Variants in WDFY3 observed in about 807,000 individuals in gnomAD.
WDFY3 encodes WD repeat and FYVE domain containing 3.
In WDFY3, 66 loss-of-function variants were observed where a neutral mutation model predicts 409.6. The observed-to-expected ratio is 0.16, with a 90% CI of 0.13 to 0.20. The LOEUF is 0.20. Ranked by LOEUF, WDFY3 falls within the 10% of genes least tolerant of loss-of-function variation. The probability of loss-of-function intolerance (pLI) is 1.00; values close to 1 mark genes in which losing one functional copy is unlikely to be tolerated. For missense variants in WDFY3, 3,031 were observed against 4,298.1 expected, an observed-to-expected ratio of 0.71 and a Z score of 8.24; for synonymous variants, 1,521 against 1,537.1, an observed-to-expected ratio of 0.99 and a Z score of 0.25.
chr4:84,779,048 ATAAAG>A (rs1271388454), intron 26 of WDFY3, among the ~76,000 whole-genome samples: 1 of 152,136 alleles, frequency 6.6e-6, no homozygotes. Context: ...TTTTTGTGTT[ATAAAG>A]TATTTTTTTT....
At chr4:84,872,653 G>T (rs1762278828) in intron 3 of WDFY3, among the ~76,000 whole-genome samples, 1 of 151,976 alleles carries the variant, frequency 6.6e-6, no homozygotes. Flanking sequence ...AATGTGAGTG[G>T]TCTAAATACA....
intron 3 of WDFY3, among the ~76,000 whole-genome samples, chr4:84,862,537 T>G (rs1760786038): frequency 6.6e-6 from 1 of 152,188 alleles, no homozygotes; most frequent in East Asian, 1.9e-4. Context: ...AGAACAAAAC[T>G]TAAATTTGAA....
chr4:84,850,596 C>T (rs889089019), intron 4 of WDFY3, among the ~76,000 whole-genome samples: 2 of 151,946 alleles, frequency 1.3e-5, no homozygotes, highest in Non-Finnish European at 2.9e-5. Context: ...GGATTACAGG[C>T]GTGAGCCACC....
chr4:84,753,948 A>G (rs1740974545), intron 34 of WDFY3, 72 bp from the exon 35 acceptor site: 3 of 1,401,904 alleles, frequency 2.1e-6, no homozygotes, highest in Non-Finnish European at 2.8e-6. Context: ...TTAAAAATCC[A>G]TTACTCAGTA....
At chr4:84,702,208 C>T (rs535979168) in intron 56 of WDFY3, 145 bp downstream of exon 56, 3 of 898,924 alleles carry the variant, frequency 3.3e-6, no homozygotes, top group Middle Eastern at 2.6e-4. Flanking sequence ...TGTAACCACA[C>T]CCAATTACAG....
intron 1 of WDFY3, among the ~76,000 whole-genome samples, chr4:84,941,722 C>T (rs1284031434): frequency 1.3e-5 from 2 of 151,842 alleles, no homozygotes; most frequent in Non-Finnish European, 2.9e-5. Flanking sequence ...ATAGTCAAAA[C>T]GATTTGGAAA....
intron 44 of WDFY3, among the ~76,000 whole-genome samples, chr4:84,731,002 G>A (rs574517021): frequency 6.6e-6 from 1 of 152,158 alleles, no homozygotes; most frequent in South Asian, 2.1e-4. Flanking sequence ...TCTCCATGTT[G>A]GTCAGGATGG....
At chr4:84,851,644 C>A (rs148592123) in intron 4 of WDFY3, among the ~76,000 whole-genome samples, 59 of 152,234 alleles carry the variant, frequency 3.9e-4, no homozygotes, top group African/African-American at 1.3e-3. Flanking sequence ...GTATTGGTTA[C>A]AAATTTTGGC....
intron 58 of WDFY3, 111 bp downstream of exon 58, chr4:84,695,858 TG>T: frequency 1.0e-6 from 1 of 1,000,766 alleles, no homozygotes; most frequent in Non-Finnish European, 1.5e-6. Flanking sequence ...GTGATATTTA[TG>T]GCTCTTTATT....
intron 2 of WDFY3, among the ~76,000 whole-genome samples, chr4:84,922,607 CAT>C (rs1491389712): frequency 9.9e-5 from 15 of 151,696 alleles, no homozygotes; most frequent in Admixed American, 4.6e-4. Context: ...TACAGGAAGA[CAT>C]TTTTTTTTTT....
Position 84,800,288 on chromosome 4 carries a change from A to G in WDFY3, c.2822+1362T>C, listed in dbSNP as rs193206839. Among the ~76,000 whole-genome samples, 230 of 152,346 alleles carry G rather than the reference A, an allele frequency of 1.5e-3. No individual in the cohort carries two copies. The Middle Eastern group carries it at 0.017, about 11-fold the overall frequency. ...TAAGAAAGCTCCTAAAAGTTTTATA[A>G]AAGAGGAGTACTCTAATAATAAGTT... is the stretch of plus-strand genomic sequence containing the variant. On this transcript the variant is annotated intron_variant, in intron 17 of 67. Transcript: ENST00000295888.
At chr4:84,887,824 C>T (rs1764428778) in intron 3 of WDFY3, among the ~76,000 whole-genome samples, 1 of 152,152 alleles carries the variant, frequency 6.6e-6, no homozygotes, top group Non-Finnish European at 1.5e-5. Context: ...CTTATGAAAG[C>T]AATGGCAATT....
Position 84,801,766 on chromosome 4 carries a change from T to C in WDFY3, c.2706A>G (p.Ala902=). Residue 902 remains alanine, a synonymous_variant, in exon 17 of 68, where the codon GCA becomes GCG. Coordinates refer to ENST00000295888, the MANE Select transcript of WDFY3 (RefSeq NM_014991.6). ...CAGCACTGCACCTCTGCAGCAGTCG[T>C]GCATGAAGACCAGCTTCACACATGA... ...QQVMCEAGLH[A]RLLQRCSAAL... 6.2e-7 allele frequency: 1 copy of C among 1,614,104 alleles called. No homozygotes were observed. Among genetic ancestry groups the C allele is most frequent in the Non-Finnish European group, 8.5e-7 (1 of 1,180,028 alleles).
chr4:84,763,911 C>T (rs1049604784), intron 32 of WDFY3, among the ~76,000 whole-genome samples: 20 of 152,130 alleles, frequency 1.3e-4, no homozygotes, highest in Middle Eastern at 3.2e-3. Context: ...ACAGAAAAAG[C>T]ACAGGACTAA....
In WDFY3 at chr4:84,804,486, G is replaced by A. The variant is rs538068095; in HGVS notation, c.2430-1019C>T. Among the ~76,000 whole-genome samples, 4 of 152,220 alleles carry A rather than the reference G, an allele frequency of 2.6e-5. No homozygotes were observed. In the East Asian group the frequency reaches 5.8e-4, roughly 22 times the overall value. ...AACAGGGATTCTAGGAAAATGTTCC[G>A]CTTTACTTATAAAAAGGCACACAGG... On this transcript the variant is annotated intron_variant, in intron 15 of 67. Coordinates refer to ENST00000295888, the MANE Select transcript of WDFY3 (RefSeq NM_014991.6).
intron 2 of WDFY3, among the ~76,000 whole-genome samples, chr4:84,915,615 G>A (rs1768375946): frequency 1.3e-5 from 2 of 152,184 alleles, no homozygotes; most frequent in South Asian, 4.1e-4. Context: ...TAAAAGCCAA[G>A]TTCATTGCAG....
At chr4:84,786,205 TCTTA>T in intron 23 of WDFY3, 66 bp from the exon 24 acceptor site, 5 of 1,458,668 alleles carry the variant, frequency 3.4e-6, no homozygotes, top group East Asian at 4.9e-5. Context: ...AGTTTTTTAT[TCTTA>T]CTATCATTTT....
In WDFY3 at chr4:84,805,999, C is replaced by G. The variant is rs1031690597; in HGVS notation, c.2429+2335G>C. 3.3e-5 allele frequency among the ~76,000 whole-genome samples: 5 copies of G among 152,266 alleles called. No individual in the cohort carries two copies. The South Asian group carries it at 1.0e-3, about 32-fold the overall frequency. On this transcript the variant is annotated intron_variant, in intron 15 of 67. Transcript: ENST00000295888. ...ATCCTTAAAATAATTAGAGAAGAAT[C>G]TCCTGGATACTACATGTCAGACAAG...
At chr4:84,883,898 C>T (rs1209519399) in intron 3 of WDFY3, among the ~76,000 whole-genome samples, 1 of 151,932 alleles carries the variant, frequency 6.6e-6, no homozygotes, top group Non-Finnish European at 1.5e-5. Flanking sequence ...ATATAAAGAC[C>T]TAACTACCCC....
Sources: gnomAD v4.1 joint callset for allele counts (sites outside exome capture counted in the v4.1 genomes callset) on GRCh38, gnomAD v4.1.1 for gene constraint, MANE v1.5 for transcripts, NCBI Gene and HGNC (gene_info 2026-07-23, HGNC 2026-07-21) for gene names.